MACROD2: variants seen among roughly 807,000 people sequenced by gnomAD.
MACROD2 encodes mono-ADP ribosylhydrolase 2, also known as ADP-ribose glycohydrolase MACROD2.
A neutral mutation model predicts 70.4 loss-of-function variants in MACROD2; 36 were observed. The ratio of observed to expected loss-of-function variants is 0.51; its 90% confidence interval spans 0.39 to 0.68. The LOEUF (loss-of-function observed/expected upper bound fraction) is 0.68, where lower values mean the gene tolerates loss of function less well. Among genes scored for constraint, MACROD2 ranks in the 30% least tolerant of loss-of-function variants. The probability of loss-of-function intolerance (pLI) is 0.00; values close to 1 mark genes in which losing one functional copy is unlikely to be tolerated. For synonymous variants in MACROD2, 172 were observed against 178.8 expected (o/e 0.96, Z 0.30); for missense variants, 496 against 538.4 (o/e 0.92, Z 0.78).
chr20:14,700,024 GA>G (rs1228060450), intron 5 of MACROD2, among the ~76,000 whole-genome samples: 1 of 148,406 alleles, frequency 6.7e-6, no homozygotes, highest in Non-Finnish European at 1.5e-5. Flanking sequence ...TTTAAATCTA[GA>G]AGTTTAAAGT....
intron 5 of MACROD2, among the ~76,000 whole-genome samples, chr20:15,173,336 C>G (rs1041905149): frequency 6.6e-6 from 1 of 151,984 alleles, no homozygotes; most frequent in Non-Finnish European, 1.5e-5. Flanking sequence ...CTAAACAGAC[C>G]TATGTAGTTA....
intron 6 of MACROD2, among the ~76,000 whole-genome samples, chr20:15,300,130 T>C (rs1037775119): frequency 1.3e-5 from 2 of 152,156 alleles, no homozygotes; most frequent in African/African-American, 4.8e-5. Context: ...TGGCAATTAC[T>C]GACTTTTTTT....
intron 5 of MACROD2, among the ~76,000 whole-genome samples, chr20:15,119,165 G>T (rs2076012799): frequency 6.6e-6 from 1 of 152,108 alleles, no homozygotes. Flanking sequence ...ACCATTATTG[G>T]CCCATAGAGA....
chr20:15,281,092 T>A (rs989461330), intron 6 of MACROD2, among the ~76,000 whole-genome samples: 1 of 152,194 alleles, frequency 6.6e-6, no homozygotes, highest in African/African-American at 2.4e-5. Context: ...AACTGTCAGA[T>A]CTTGTGAGAA....
At chr20:14,593,273 GT>G (rs1981903490) in intron 4 of MACROD2, among the ~76,000 whole-genome samples, 1 of 152,180 alleles carries the variant, frequency 6.6e-6, no homozygotes, top group African/African-American at 2.4e-5. Context: ...AAAGGCAGAT[GT>G]TTTTAAGAGT....
chr20:14,583,533 T>C (rs549148799), intron 4 of MACROD2, among the ~76,000 whole-genome samples: 5 of 152,224 alleles, frequency 3.3e-5, no homozygotes, highest in African/African-American at 1.2e-4. Flanking sequence ...CCTGAGATCA[T>C]CTCCCAAATA....
intron 8 of MACROD2, among the ~76,000 whole-genome samples, chr20:15,642,829 A>T (rs1477968758): frequency 6.6e-6 from 1 of 152,094 alleles, no homozygotes; most frequent in Non-Finnish European, 1.5e-5. Context: ...CTCTCTGAGC[A>T]CACTGTACGT....
chr20:15,888,606 T>A (rs2064850711), intron 10 of MACROD2, among the ~76,000 whole-genome samples: 1 of 152,150 alleles, frequency 6.6e-6, no homozygotes, highest in Non-Finnish European at 1.5e-5. Flanking sequence ...GGAGTCAGCA[T>A]TTGAGGTTCA....
chr20:14,234,956 C>A (rs1004614705), intron 3 of MACROD2, among the ~76,000 whole-genome samples: 2 of 152,068 alleles, frequency 1.3e-5, no homozygotes, highest in Non-Finnish European at 2.9e-5. Flanking sequence ...TTTTCAAAGT[C>A]AAATATGGGT....
chr20:14,720,534 A>C (rs1337383159), intron 5 of MACROD2, among the ~76,000 whole-genome samples: 78 of 50,928 alleles, frequency 1.5e-3, no homozygotes, highest in Non-Finnish European at 2.1e-3. Context: ...GCTGCCCCAC[A>C]ACTTTTTTTT....
intron 3 of MACROD2, among the ~76,000 whole-genome samples, chr20:14,200,150 G>C (rs2081467199): frequency 6.6e-6 from 1 of 152,120 alleles, no homozygotes; most frequent in Non-Finnish European, 1.5e-5. Context: ...CGATAGACTG[G>C]ATAAAGAAAA....
intron 5 of MACROD2, among the ~76,000 whole-genome samples, chr20:15,053,132 C>G (rs560469668): frequency 2.0e-5 from 3 of 152,294 alleles, no homozygotes; most frequent in Admixed American, 2.0e-4. Flanking sequence ...AAGAAGCCAT[C>G]TCTGTAACAT....
chr20:16,035,176 T>TAATATAAAA (rs1198003950), intron 15 of MACROD2, among the ~76,000 whole-genome samples: 2 of 9,426 alleles, frequency 2.1e-4, no homozygotes, highest in Admixed American at 2.8e-3. Flanking sequence ...ATATAAAATA[T>TAATATAAAA]TATATATTAT....
At chr20:14,235,080 G>A (rs1355977391) in intron 3 of MACROD2, among the ~76,000 whole-genome samples, 3 of 152,090 alleles carry the variant, frequency 2.0e-5, no homozygotes, top group African/African-American at 4.8e-5. Context: ...TGGTACAAGA[G>A]TAGTCTAAAC....
intron 4 of MACROD2, among the ~76,000 whole-genome samples, chr20:14,619,039 C>G (rs967277553): frequency 1.3e-5 from 2 of 151,744 alleles, no homozygotes; most frequent in African/African-American, 2.4e-5. Flanking sequence ...AAATGATAAG[C>G]CCTTAAAATA....
intron 3 of MACROD2, among the ~76,000 whole-genome samples, chr20:14,441,182 A>G (rs2084117927): frequency 6.6e-6 from 1 of 152,216 alleles, no homozygotes; most frequent in African/African-American, 2.4e-5. Flanking sequence ...AGACCTTAAG[A>G]GACCTTGCAC....
chr20:15,714,655 T>C (rs1232901894), intron 8 of MACROD2, among the ~76,000 whole-genome samples: 1 of 152,202 alleles, frequency 6.6e-6, no homozygotes, highest in Non-Finnish European at 1.5e-5. Flanking sequence ...GACACATCAA[T>C]AAAATGCCTA....
intron 3 of MACROD2, among the ~76,000 whole-genome samples, chr20:14,131,287 A>T (rs2054715622): frequency 6.6e-6 from 1 of 152,208 alleles, no homozygotes; most frequent in Non-Finnish European, 1.5e-5. Flanking sequence ...ATCCAAGTGG[A>T]AACATGTTAC....
intron 8 of MACROD2, among the ~76,000 whole-genome samples, chr20:15,843,416 G>C (rs2064196286): frequency 6.6e-6 from 1 of 152,168 alleles, no homozygotes; most frequent in African/African-American, 2.4e-5. Context: ...TGACAGTTAT[G>C]TTAATTCTAT....
Sources: gnomAD v4.1 joint callset for allele counts (sites outside exome capture counted in the v4.1 genomes callset) on GRCh38, gnomAD v4.1.1 for gene constraint, MANE v1.5 for transcripts, NCBI Gene and HGNC (gene_info 2026-07-23, HGNC 2026-07-21) for gene names.